Variants in GSN observed in about 807,000 individuals in gnomAD.
The protein encoded by GSN is gelsolin, also known as actin-depolymerizing factor.
GSN carries 56 observed loss-of-function variants against 85.7 expected under a neutral mutation model. The observed-to-expected ratio is 0.65, with a 90% CI of 0.53 to 0.82. The LOEUF (loss-of-function observed/expected upper bound fraction) is 0.82. GSN is among the 40% of genes least tolerant of loss of function. The pLI is 0.00. For missense variants in GSN, 857 were observed against 979.8 expected (o/e 0.87, Z 1.67); for synonymous variants, 373 against 399.1 (o/e 0.93, Z 0.78).
chr9:121,317,321 G>A, intron 8 of GSN, 103 bp downstream of exon 8: 1 of 1,262,590 alleles, frequency 7.9e-7, no homozygotes, highest in Non-Finnish European at 1.2e-6. Context: ...GAGTGTGCCT[G>A]GTGCAATGGA....
At chr9:121,243,364 CT>C (rs1228270228) in intron 5 of GSN, among the ~76,000 whole-genome samples, 4 of 152,310 alleles carry the variant, frequency 2.6e-5, no homozygotes, top group Admixed American at 2.6e-4. Flanking sequence ...TCAGGACATT[CT>C]CCCCATCTTA....
Position 121,318,472 on chromosome 9 carries a change from T to C in GSN, c.953T>C (p.Met318Thr). Residue 318 changes from methionine (M) to threonine (T), a missense_variant, in exon 9 of 18, where the codon ATG becomes ACG. Physicochemically the swap from Met to Thr is moderately conservative, Grantham distance 81. Coordinates refer to ENST00000432226, the MANE Select transcript of GSN (RefSeq NM_198252.3). This position sits in a 1 kb window ranked among gnomAD's most constrained non-coding sequence, Gnocchi z 4.3. ...ACAGCCTCTGACTTCATCACCAAGA[T>C]GGACTACCCCAAGCAGACTCAGGTG... is the stretch of plus-strand genomic sequence containing the variant. ...LKTASDFITK[M>T]DYPKQTQVSV... 6.2e-7 allele frequency: 1 copy of C among 1,613,778 alleles called. No individual in the cohort carries two copies. The highest frequency in any genetic ancestry group is 8.5e-7 in the Non-Finnish European group (1 of 1,179,742).
chr9:121,300,582 C>T (rs540916399), intron 2 of GSN, among the ~76,000 whole-genome samples: 3 of 152,222 alleles, frequency 2.0e-5, no homozygotes, highest in East Asian at 1.9e-4. Context: ...ATCTCTTCTC[C>T]GGCCAGAGGT....
intron 6 of GSN, 200 bp downstream of exon 6, chr9:121,312,688 C>A: frequency 2.2e-6 from 1 of 460,456 alleles, no homozygotes; most frequent in Non-Finnish European, 3.8e-6. Flanking sequence ...AGTGCAGGGG[C>A]GCCATCACAG....
intron 2 of GSN, chr9:121,282,267 A>G: frequency 1.7e-6 from 1 of 597,154 alleles, no homozygotes; most frequent in East Asian, 2.9e-5. Flanking sequence ...GTGTGGACCC[A>G]ACGAGCTTGT....
At chr9:121,262,805 T>C (rs1015790184) in intron 6 of GSN, among the ~76,000 whole-genome samples, 2 of 152,192 alleles carry the variant, frequency 1.3e-5, no homozygotes, top group Non-Finnish European at 2.9e-5. Flanking sequence ...TCAGAACATG[T>C]CTAGAATAAT....
intron 4 of GSN, among the ~76,000 whole-genome samples, chr9:121,225,168 T>C (rs1182965225): frequency 6.6e-6 from 1 of 152,250 alleles, no homozygotes; most frequent in Non-Finnish European, 1.5e-5. Flanking sequence ...AAGTTAGTTC[T>C]GTAGTTTCTT....
Position 121,220,853 on chromosome 9 carries a change from G to A in GSN, c.-528+9986G>A, listed in dbSNP as rs527847732. ...TTGTTTTCCTTGTATTTATTTTTAT[G>A]GAAATGAAGTTGATTTTCTATTGAT... On this transcript the variant is annotated intron_variant, in intron 4 of 24. Coordinates refer to the GSN transcript ENST00000373823. Among the ~76,000 whole-genome samples, 7 of 152,140 alleles carry A rather than the reference G, an allele frequency of 4.6e-5. No homozygotes were observed. In the South Asian group the frequency reaches 1.5e-3, roughly 32 times the overall value.
At chr9:121,285,793 A>G (rs1349915200) in intron 2 of GSN, among the ~76,000 whole-genome samples, 8 of 152,282 alleles carry the variant, frequency 5.3e-5, no homozygotes, top group East Asian at 1.9e-4. Context: ...GGCCCAGAGA[A>G]TGGTAGTGAC....
In GSN at chr9:121,299,942, G is replaced by T; in HGVS notation, c.-9-2021G>T. ...GCGCGCTGTCGCTGCCCGTCCGCGC[G>T]GCCACTGCGTCGCGGGGGGCGTCCC... On this transcript the variant is annotated intron_variant, in intron 2 of 17. Coordinates refer to ENST00000432226, the MANE Select transcript of GSN (RefSeq NM_198252.3). The surrounding 1 kb of genome is among the most constrained non-coding windows in gnomAD (Gnocchi z 4.2). 7.9e-7 allele frequency: 1 copy of T among 1,262,040 alleles called. No homozygotes were observed. The allele number at this position is 1,262,040 out of a possible 1,614,324, so 78.2% of individuals were successfully genotyped here.
chr9:121,295,855 A>C (rs1168006946), intron 2 of GSN, among the ~76,000 whole-genome samples: 1 of 152,252 alleles, frequency 6.6e-6, no homozygotes, highest in Non-Finnish European at 1.5e-5. Context: ...AGAGACCAGG[A>C]CATGCTCATG....
intron 8 of GSN, 119 bp downstream of exon 8, chr9:121,317,337 G>C: frequency 8.7e-7 from 1 of 1,145,586 alleles, no homozygotes; most frequent in Non-Finnish European, 1.3e-6. Context: ...ATGGAAATCA[G>C]AAGTCTTGGG....
chr9:121,287,655 C>T (rs1358229870), intron 2 of GSN, among the ~76,000 whole-genome samples: 1 of 150,616 alleles, frequency 6.6e-6, no homozygotes, highest in East Asian at 2.0e-4. Context: ...AATGCTTTGG[C>T]AGAATAGTAC....
rs184304532 is a variant in GSN, at chr9:121,260,182, G to A, written c.-340-4972G>A. On this transcript the variant is annotated intron_variant, in intron 6 of 24. Coordinates refer to the GSN transcript ENST00000373823. ...TCTGGCTGAGGTCAAGGTCAAAGCAGCAAGACTGCGCCAGGGAGAAAGCAA... is the reference window on the plus strand; with the variant it reads ...TCTGGCTGAGGTCAAGGTCAAAGCAACAAGACTGCGCCAGGGAGAAAGCAA... 2.0e-5 allele frequency among the ~76,000 whole-genome samples: 3 copies of A among 152,324 alleles called. No homozygotes were observed. In the East Asian group the frequency reaches 5.8e-4, roughly 29 times the overall value.
At chr9:121,238,196 AG>A (rs1376336108) in intron 5 of GSN, 1 of 152,556 alleles carries the variant, frequency 6.6e-6, no homozygotes, top group Non-Finnish European at 1.5e-5. Context: ...ATTGGATCGA[AG>A]GATGCAAAGT....
intron 13 of GSN, 33 bp from the exon 14 acceptor site, chr9:121,327,275 T>C (rs1289258021): frequency 6.3e-7 from 1 of 1,593,188 alleles, no homozygotes; most frequent in Non-Finnish European, 8.6e-7. Flanking sequence ...GCTTTTTGTC[T>C]GGTTCCTGAT....
rs1297015780 is a variant in GSN, at chr9:121,321,433, G to C, written c.1325+32G>C. 2.5e-6 allele frequency: 4 copies of C among 1,607,972 alleles called. No individual in the cohort carries two copies. The South Asian group carries it at 3.3e-5, about 13-fold the overall frequency. Reference sequence around the variant, plus strand: ...TTCTGGGGCCATTGGTGTGTGTCGTGGGGGTACTGGCTGGGCCCTGAGCAG... The same window carrying C: ...TTCTGGGGCCATTGGTGTGTGTCGTCGGGGTACTGGCTGGGCCCTGAGCAG... On this transcript the variant is annotated intron_variant, in intron 11 of 17. Transcript: ENST00000432226.
chr9:121,225,686 T>C (rs1355966194), intron 4 of GSN, among the ~76,000 whole-genome samples: 1 of 152,218 alleles, frequency 6.6e-6, no homozygotes, highest in Non-Finnish European at 1.5e-5. Context: ...ATGTACACCA[T>C]CTCGAACTCT....
intron 2 of GSN, among the ~76,000 whole-genome samples, chr9:121,298,793 C>G (rs1357220053): frequency 2.6e-5 from 4 of 152,020 alleles, no homozygotes; most frequent in Non-Finnish European, 5.9e-5. Context: ...CTGTGCAGTG[C>G]TAGGAGGGAG....
Sources: gnomAD v4.1 joint callset for allele counts (sites outside exome capture counted in the v4.1 genomes callset) on GRCh38, gnomAD v4.1.1 for gene constraint, Gnocchi (gnomAD v3.1) non-coding constraint, MANE v1.5 for transcripts, NCBI Gene and HGNC (gene_info 2026-07-23, HGNC 2026-07-21) for gene names.